DTNA: variants seen among roughly 807,000 people sequenced by gnomAD.
DTNA encodes dystrobrevin alpha.
A neutral mutation model predicts 100.7 loss-of-function variants in DTNA; 43 were observed. The observed-to-expected ratio is 0.43, with a 90% CI of 0.33 to 0.55. DTNA has a LOEUF of 0.55. Among genes scored for constraint, DTNA ranks in the 20% least tolerant of loss-of-function variants. The probability of loss-of-function intolerance (pLI) is 0.04; values close to 1 mark genes in which losing one functional copy is unlikely to be tolerated. For missense variants in DTNA, 798 were observed against 953.9 expected (o/e 0.84, Z 2.15); for synonymous variants, 349 against 347.9 (o/e 1.00, Z -0.04).
intron 1 of DTNA, among the ~76,000 whole-genome samples, chr18:34,671,052 A>G (rs1329452907): frequency 1.3e-5 from 2 of 152,072 alleles, no homozygotes; most frequent in Admixed American, 1.3e-4. Context: ...GGCCTCCTTG[A>G]GCTGTGGTGG....
At position 34,625,035 on chromosome 18, in the gene DTNA, A is replaced by AT. The variant is rs1201084306; in HGVS notation, c.-1-130924dup. Among the ~76,000 whole-genome samples, 716 of 133,538 alleles carry AT rather than the reference A, an allele frequency of 5.4e-3. 3 individuals are homozygous for AT. Among genetic ancestry groups the AT allele is most frequent in the South Asian group, 0.012 (51 of 4,136 alleles). 87.6% of individuals were successfully genotyped at this position (133,538 alleles called of 152,430 possible). ...AGGCAGATGCCACCACAGCCAGTTA[A>AT]TTTTTTTTTTTTTTTTTGAGACAGA... On this transcript the variant is annotated intron_variant, in intron 1 of 19. Transcript: ENST00000283365.
intron 16 of DTNA, among the ~76,000 whole-genome samples, chr18:34,861,459 C>A (rs1257312776): frequency 7.2e-6 from 1 of 138,556 alleles, no homozygotes; most frequent in Non-Finnish European, 1.5e-5. Flanking sequence ...GCACTCCAGC[C>A]TGGGCGACTG....
chr18:34,572,295 T>C (rs955383373), intron 1 of DTNA, among the ~76,000 whole-genome samples: 11 of 152,168 alleles, frequency 7.2e-5, no homozygotes, highest in African/African-American at 2.7e-4. Context: ...TCTCAGACTT[T>C]CCACTGTTGT....
intron 2 of DTNA, among the ~76,000 whole-genome samples, chr18:34,761,377 T>C (rs993823403): frequency 1.3e-5 from 2 of 152,006 alleles, no homozygotes; most frequent in Admixed American, 1.3e-4. Context: ...TGTGTGAAAA[T>C]GTTCAGAGTG....
In DTNA at chr18:34,812,116, A is replaced by G. The variant is rs2095496828; in HGVS notation, c.603+3A>G. 1.2e-6 allele frequency: 2 copies of G among 1,613,998 alleles called. No individual in the cohort carries two copies. The highest frequency in any genetic ancestry group is 2.2e-5 in the South Asian group (2 of 91,080). The stretch of plus-strand genomic sequence containing the variant: ...CCAGATCCTGTTTCTCCCAACAGGT[A>G]GGAGAAAAATATGTTTAAGGAAGTA... On this transcript the variant is annotated splice_donor_region_variant and intron_variant, in intron 6 of 22. Transcript: ENST00000444659.
intron 1 of DTNA, among the ~76,000 whole-genome samples, chr18:34,684,122 C>A (rs143191023): frequency 2.0e-5 from 3 of 151,900 alleles, no homozygotes; most frequent in Admixed American, 1.3e-4. Context: ...TTAGTCATTA[C>A]AATAATGAAC....
chr18:34,642,822 G>C (rs891515220), intron 1 of DTNA, among the ~76,000 whole-genome samples: 9 of 152,154 alleles, frequency 5.9e-5, no homozygotes, highest in African/African-American at 2.2e-4. Flanking sequence ...CTCCCAAAGT[G>C]CTGGGATTAC....
intron 1 of DTNA, among the ~76,000 whole-genome samples, chr18:34,697,117 A>G (rs1237415407): frequency 1.5e-4 from 22 of 149,962 alleles, no homozygotes; most frequent in Non-Finnish European, 2.2e-4. Context: ...TCTTCTAAAA[A>G]GTACAAAGGC....
chr18:34,619,596 G>A (rs1371138), intron 1 of DTNA, among the ~76,000 whole-genome samples: 16,760 of 152,086 alleles, frequency 0.11, 981 homozygotes, highest in African/African-American at 0.13. Context: ...ACATATCAAG[G>A]ATGGTTCCCA....
chr18:34,681,231 C>T (rs771446421), intron 1 of DTNA, among the ~76,000 whole-genome samples: 8 of 152,072 alleles, frequency 5.3e-5, no homozygotes, highest in Non-Finnish European at 1.5e-5. Flanking sequence ...TCATTAATTT[C>T]TTCCAAAATT....
chr18:34,524,074 G>C (rs1328814708), intron 1 of DTNA, among the ~76,000 whole-genome samples: 2 of 152,120 alleles, frequency 1.3e-5, no homozygotes, highest in Non-Finnish European at 2.9e-5. Flanking sequence ...GGTTGTTCCT[G>C]ATCTTTGGTT....
intron 18 of DTNA, among the ~76,000 whole-genome samples, chr18:34,876,811 C>A (rs990662031): frequency 6.6e-6 from 1 of 152,084 alleles, no homozygotes. Context: ...ATGTAATTCA[C>A]AAAATAACTT....
At chr18:34,747,757 G>C (rs1272358168) in intron 1 of DTNA, among the ~76,000 whole-genome samples, 1 of 152,104 alleles carries the variant, frequency 6.6e-6, no homozygotes, top group Non-Finnish European at 1.5e-5. Context: ...TGGACACTTA[G>C]GTTGGTTCTT....
intron 1 of DTNA, among the ~76,000 whole-genome samples, chr18:34,754,566 A>T (rs1330569548): frequency 6.6e-6 from 1 of 152,138 alleles, no homozygotes; most frequent in Non-Finnish European, 1.5e-5. Context: ...GGGGCACTCA[A>T]AGTGTAGTAG....
At chr18:34,775,057 A>G (rs1002032050) in intron 3 of DTNA, among the ~76,000 whole-genome samples, 1 of 152,236 alleles carries the variant, frequency 6.6e-6, no homozygotes, top group Non-Finnish European at 1.5e-5. Context: ...GAGCAATCCC[A>G]TGCATAATCC....
At chr18:34,759,837 C>G (rs1184022922) in intron 2 of DTNA, 1 of 152,202 alleles carries the variant, frequency 6.6e-6, no homozygotes, top group Non-Finnish European at 1.5e-5. Context: ...CACCACCACA[C>G]CTGGCTAATT....
chr18:34,556,155 G>C (rs1317301826), intron 1 of DTNA, among the ~76,000 whole-genome samples: 1 of 151,414 alleles, frequency 6.6e-6, no homozygotes. Context: ...GATCTTTGTT[G>C]GTTTAAGGTC....
At chr18:34,563,817 CCT>C (rs1343038637) in intron 1 of DTNA, among the ~76,000 whole-genome samples, 3 of 152,112 alleles carry the variant, frequency 2.0e-5, no homozygotes, top group Non-Finnish European at 4.4e-5. Flanking sequence ...GAGAAATTCC[CCT>C]GTTTTTCAAA....
intron 19 of DTNA, among the ~76,000 whole-genome samples, chr18:34,878,776 A>G (rs1355992305): frequency 6.6e-6 from 1 of 152,196 alleles, no homozygotes; most frequent in Non-Finnish European, 1.5e-5. Flanking sequence ...GAATATGCAA[A>G]TAAATATCTT....
Sources: allele counts gnomAD v4.1 joint callset (sites outside exome capture counted in the v4.1 genomes callset), GRCh38; gene constraint gnomAD v4.1.1; transcripts MANE v1.5; gene names NCBI Gene and HGNC (gene_info 2026-07-23, HGNC 2026-07-21).